The following UBE2C variants were observed in gnomAD, a reference collection of about 807,000 sequenced individuals.
The protein encoded by UBE2C is ubiquitin conjugating enzyme E2 C, also known as ubiquitin-conjugating enzyme E2 C.
Under a neutral mutation model 23.5 loss-of-function variants are expected in UBE2C, and 16 were observed. The ratio of observed to expected loss-of-function variants is 0.68; its 90% CI spans 0.46 to 1.03. The LOEUF is 1.03. Among genes scored for constraint, UBE2C ranks in the 50% least tolerant of loss-of-function variants. UBE2C has a pLI of 0.00. For missense variants in UBE2C, 192 were observed against 227.6 expected, an observed-to-expected ratio of 0.84 and a Z score of 1.01; for synonymous variants, 76 against 91.6, an observed-to-expected ratio of 0.83 and a Z score of 0.97.
rs572689665 is a variant in UBE2C, at chr20:45,816,028, C to T, written c.481+115C>T. 287 of 1,038,686 alleles carry T rather than the reference C, an allele frequency of 2.8e-4. 1 individual carries two copies. In the African/African-American group the frequency reaches 3.7e-3, roughly 13 times the overall value. 64.3% of individuals were successfully genotyped at this position (1,038,686 alleles called of 1,614,324 possible). On this transcript the variant is annotated intron_variant, in intron 5 of 5. Coordinates refer to ENST00000356455, the MANE Select transcript of UBE2C (RefSeq NM_007019.4). ...GGTTGGTTGGGGCAGGGTGGAGTGT[C>T]GGCAGCAACCCACTTCTGTTTCTGC...
chr20:45,813,291 G>T, intron 1 of UBE2C, 146 bp from the exon 2 acceptor site: 1 of 1,547,960 alleles, frequency 6.5e-7, no homozygotes. Context: ...TGTGGATCTG[G>T]TGAGTATACC....
chr20:45,814,152 A>C (rs1053800196), intron 2 of UBE2C, among the ~76,000 whole-genome samples: 193 of 116,718 alleles, frequency 1.7e-3, no homozygotes, highest in Non-Finnish European at 2.1e-3. Context: ...CTCTCTATAT[A>C]TATATATATG....
intron 1 of UBE2C, chr20:45,813,134 G>A: frequency 7.1e-7 from 1 of 1,400,472 alleles, no homozygotes; most frequent in South Asian, 1.6e-5. Flanking sequence ...AGACGCTCAA[G>A]GACCCTCGTG....
chr20:45,812,785 G>A lies in UBE2C; in HGVS notation c.90G>A (p.Pro30=), dbSNP rs1982034124. The A allele has an allele frequency of 1.9e-6, 3 of 1,555,836 alleles. No individual in the cohort carries two copies. Among genetic ancestry groups the A allele is most frequent in the African/African-American group, 2.7e-5 (2 of 73,414 alleles). ...AEPSGGAARG[P]VGKRLQQELM... is the part of the protein sequence containing the mutation. ...CGAGCGGGGGCGCCGCCCGGGGTCC[G>A]GTGGGCAAAAGGTGAGTGATGCGGC... is the stretch of plus-strand genomic sequence containing the variant. The change falls in exon 1 of 6, where the codon CCG becomes CCA. Residue 30 remains proline (P), a synonymous_variant. Transcript: ENST00000356455.
chr20:45,812,705 C>G lies in UBE2C; in HGVS notation c.10C>G (p.Gln4Glu). Residue 4 changes from glutamine (Q) to glutamate (E), a missense_variant, in exon 1 of 6, where the codon CAA becomes GAA. By Grantham distance (29) the Gln-to-Glu change is conservative (BLOSUM62 2). Coordinates refer to ENST00000356455, the MANE Select transcript of UBE2C (RefSeq NM_007019.4). ...TGCCAACGCCGCCCGGATGGCTTCCCAAAACCGCGACCCAGCCGCCACTAG... is the reference window on the plus strand; with the variant it reads ...TGCCAACGCCGCCCGGATGGCTTCCGAAAACCGCGACCCAGCCGCCACTAG... MAS[Q>E]NRDPAATSVA... 1.3e-6 allele frequency: 2 copies of G among 1,551,370 alleles called. No individual in the cohort carries two copies. The highest frequency in any genetic ancestry group is 1.7e-6 in the Non-Finnish European group (2 of 1,147,260).
At chr20:45,814,548 G>T (rs1429513388) in intron 3 of UBE2C, 78 bp downstream of exon 3, 10 of 1,190,622 alleles carry the variant, frequency 8.4e-6, no homozygotes, top group Non-Finnish European at 1.2e-5. Flanking sequence ...TCTGCTTCAA[G>T]CCTTTGGCGG....
At chr20:45,814,078 G>A (rs2145715503) in intron 2 of UBE2C, among the ~76,000 whole-genome samples, 1 of 151,564 alleles carries the variant, frequency 6.6e-6, no homozygotes, top group South Asian at 2.1e-4. Context: ...ACTCTAGCCT[G>A]GGCGACAGAG....
At chr20:45,816,153 A>G (rs1459740563) in intron 5 of UBE2C, among the ~76,000 whole-genome samples, 1 of 152,256 alleles carries the variant, frequency 6.6e-6, no homozygotes, top group Non-Finnish European at 1.5e-5. Flanking sequence ...AGACCAAGGC[A>G]GGAGGATAGC....
In UBE2C at chr20:45,814,297, T is replaced by C. The variant is rs1446233803; in HGVS notation, c.130-87T>C. On this transcript the variant is annotated intron_variant, in intron 2 of 5. Coordinates refer to ENST00000356455, the MANE Select transcript of UBE2C (RefSeq NM_007019.4). ...ATATATATATATATATATATATATA[T>C]ATAAAATTAAGGGGAAAGCTCACCC... The C allele has an allele frequency of 1.3e-5, 5 of 390,216 alleles. No homozygotes were observed. In the Admixed American group the frequency reaches 2.2e-4, roughly 17 times the overall value. The allele number at this position is 390,216 out of a possible 1,614,324, so 24.2% of individuals were successfully genotyped here.
chr20:45,813,286 A>T, intron 1 of UBE2C, 151 bp from the exon 2 acceptor site: 1 of 1,540,738 alleles, frequency 6.5e-7, no homozygotes, highest in Non-Finnish European at 8.7e-7. Context: ...CGTCCTGTGG[A>T]TCTGGTGAGT....
chr20:45,813,407 C>A (rs1404320972), intron 1 of UBE2C, 30 bp from the exon 2 acceptor site: 2 of 1,613,838 alleles, frequency 1.2e-6, no homozygotes, highest in Non-Finnish European at 1.7e-6. Context: ...CATCCAGACT[C>A]CCAGGTAACC....
At chr20:45,814,813 A>G (rs1316847621) in intron 3 of UBE2C, among the ~76,000 whole-genome samples, 2 of 151,588 alleles carry the variant, frequency 1.3e-5, no homozygotes, top group Admixed American at 1.3e-4. Flanking sequence ...TCTAATTTTT[A>G]CGTATTAGCA....
intron 5 of UBE2C, 61 bp from the exon 6 acceptor site, chr20:45,816,648 A>G: frequency 6.7e-7 from 1 of 1,497,946 alleles, no homozygotes; most frequent in Non-Finnish European, 9.2e-7. Flanking sequence ...AAAATAATAA[A>G]TAGTAAAGAT....
intron 2 of UBE2C, among the ~76,000 whole-genome samples, 158 bp downstream of exon 2, chr20:45,813,622 C>G (rs930981596): frequency 6.6e-6 from 1 of 152,018 alleles, no homozygotes; most frequent in Non-Finnish European, 1.5e-5. Flanking sequence ...TCCAGCAGTC[C>G]CTCCTCCCAA....
chr20:45,812,680 T>A lies in UBE2C; in HGVS notation c.-16T>A. Reference sequence around the variant, plus strand: ...CGTGTTCTCCGAGTTCCTGTCTCTCTGCCAACGCCGCCCGGATGGCTTCCC... The same window carrying A: ...CGTGTTCTCCGAGTTCCTGTCTCTCAGCCAACGCCGCCCGGATGGCTTCCC... On this transcript the variant is annotated 5_prime_UTR_variant, in exon 1 of 6. Coordinates refer to ENST00000356455, the MANE Select transcript of UBE2C (RefSeq NM_007019.4). 1.0e-5 allele frequency: 16 copies of A among 1,550,934 alleles called. No individual in the cohort carries two copies. The highest frequency in any genetic ancestry group is 1.3e-5 in the Non-Finnish European group (15 of 1,146,936).
intron 3 of UBE2C, 110 bp from the exon 4 acceptor site, chr20:45,815,431 G>T (rs781652276): frequency 6.2e-7 from 1 of 1,613,974 alleles, no homozygotes; most frequent in African/African-American, 1.3e-5. Flanking sequence ...TTTGTCTACT[G>T]TCCGGTCCCA....
chr20:45,814,271 CATATATATATATAT>C (rs3080107), intron 2 of UBE2C, 99 bp from the exon 3 acceptor site: 21,615 of 349,260 alleles, frequency 0.062, 25 homozygotes, highest in Middle Eastern at 0.085. Flanking sequence ...TGTATGTGAG[CATATATATATATAT>C]ATATATATAT....
intron 3 of UBE2C, 47 bp downstream of exon 3, chr20:45,814,517 A>G: frequency 6.6e-7 from 1 of 1,509,438 alleles, no homozygotes; most frequent in Non-Finnish European, 9.1e-7. Context: ...GAAAGGTGGG[A>G]AGTGAGATCC....
At chr20:45,816,401 C>T (rs1312666814) in intron 5 of UBE2C, among the ~76,000 whole-genome samples, 2 of 152,120 alleles carry the variant, frequency 1.3e-5, no homozygotes, top group African/African-American at 2.4e-5. Flanking sequence ...TTGGGGAGGC[C>T]GAGGTGGGTG....
Sources: gnomAD v4.1 joint callset for allele counts (sites outside exome capture counted in the v4.1 genomes callset) on GRCh38, gnomAD v4.1.1 for gene constraint, MANE v1.5 for transcripts, NCBI Gene and HGNC (gene_info 2026-07-23, HGNC 2026-07-21) for gene names.